GFOD1: variants seen among roughly 807,000 people sequenced by gnomAD.
GFOD1 encodes Gfo/Idh/MocA-like oxidoreductase domain containing 1, also known as glucose-fructose oxidoreductase domain-containing protein 1.
GFOD1 carries 9 observed loss-of-function variants against 25.4 expected under a neutral mutation model. The ratio of observed to expected loss-of-function variants is 0.35; its 90% CI spans 0.21 to 0.62. GFOD1 has a LOEUF of 0.62. Ranked by LOEUF, GFOD1 falls within the 20% of genes least tolerant of loss-of-function variation. GFOD1 has a pLI of 0.72. For synonymous variants in GFOD1, 253 were observed against 245.6 expected (o/e 1.03, Z -0.28); for missense variants, 403 against 556.9 (o/e 0.72, Z 2.78).
intron 1 of GFOD1, among the ~76,000 whole-genome samples, chr6:13,379,316 T>C (rs1425583342): frequency 1.3e-5 from 2 of 152,112 alleles, no homozygotes; most frequent in Non-Finnish European, 2.9e-5. Context: ...CCTCCCCCCA[T>C]AGAAGGCACG....
intron 1 of GFOD1, among the ~76,000 whole-genome samples, chr6:13,401,085 G>A (rs1164014708): frequency 3.9e-5 from 6 of 152,204 alleles, no homozygotes; most frequent in African/African-American, 1.2e-4. Flanking sequence ...AGTGAGGTGC[G>A]AGAGAGCCGA....
intron 1 of GFOD1, among the ~76,000 whole-genome samples, chr6:13,481,317 A>C (rs1165290855): frequency 6.6e-6 from 1 of 152,244 alleles, no homozygotes; most frequent in Non-Finnish European, 1.5e-5. Context: ...AAGTGAGGCA[A>C]GAACCTTCTG....
Position 13,365,162 on chromosome 6 carries a change from C to G in GFOD1, c.754G>C (p.Val252Leu). The change falls in exon 2 of 2, where the codon GTG (valine) becomes CTG (leucine). Residue 252 changes from valine to leucine, a missense_variant. By Grantham distance (32) the Val-to-Leu change is conservative. Coordinates refer to ENST00000379287, the MANE Select transcript of GFOD1 (RefSeq NM_018988.4). The surrounding 1 kb of genome is among the most constrained non-coding windows in gnomAD (Gnocchi z 9.2). ...GCCAGCAGGCGCCCGGCTGAGCCCA[C>G]CACAGTGACATCCTGCTTGAACTCG... Reference protein sequence around the residue: ...PGEFKQDVTVVGSAGRLLAVG... With the variant: ...PGEFKQDVTVLGSAGRLLAVG... The G allele has an allele frequency of 6.2e-7, 1 of 1,613,758 alleles. No homozygotes were observed. The highest frequency in any genetic ancestry group is 8.5e-7 in the Non-Finnish European group (1 of 1,179,962).
At chr6:13,483,319 G>C (rs1279842429) in intron 1 of GFOD1, among the ~76,000 whole-genome samples, 1 of 152,130 alleles carries the variant, frequency 6.6e-6, no homozygotes, top group Admixed American at 6.6e-5. Context: ...ACAGAGACCT[G>C]GACATGTGCG....
chr6:13,372,497 T>C (rs1347891749), intron 1 of GFOD1, among the ~76,000 whole-genome samples: 2 of 152,180 alleles, frequency 1.3e-5, no homozygotes, highest in African/African-American at 2.4e-5. Flanking sequence ...CTCCAAGTTG[T>C]GGCTGAGTCT....
At chr6:13,393,738 A>G (rs1181926918) in intron 1 of GFOD1, among the ~76,000 whole-genome samples, 1 of 151,986 alleles carries the variant, frequency 6.6e-6, no homozygotes, top group East Asian at 1.9e-4. Context: ...GGACTCTACA[A>G]AATAGTACAT....
chr6:13,396,240 TC>T (rs1785727554), intron 1 of GFOD1, among the ~76,000 whole-genome samples: 2 of 152,210 alleles, frequency 1.3e-5, no homozygotes, highest in African/African-American at 4.8e-5. Flanking sequence ...TCTTCAATCT[TC>T]CCTGCAGATC....
intron 1 of GFOD1, among the ~76,000 whole-genome samples, chr6:13,449,880 C>A (rs1198967005): frequency 6.6e-6 from 1 of 152,172 alleles, no homozygotes; most frequent in Non-Finnish European, 1.5e-5. Flanking sequence ...CATACTAATA[C>A]ACTAAGGTTA....
intron 1 of GFOD1, among the ~76,000 whole-genome samples, chr6:13,451,524 C>T (rs1200165738): frequency 6.6e-6 from 1 of 152,174 alleles, no homozygotes; most frequent in Non-Finnish European, 1.5e-5. Context: ...CTTGAGACTT[C>T]ATCAGCAAAG....
At chr6:13,486,586 G>C in intron 1 of GFOD1, 52 bp downstream of exon 1, 1 of 1,423,168 alleles carries the variant, frequency 7.0e-7, no homozygotes, top group Non-Finnish European at 9.8e-7. Context: ...GGAACCTAGA[G>C]AAGGTTAAAG....
rs1784893093 is a variant in GFOD1 at position 13,357,987 on chromosome 6, A to G, written c.*6756T>C. ...GAGCATCGAGCATCGCAGAGATCAC[A>G]ACGGGCATCAGCTCTGGAGCTCCTA... On this transcript the variant is annotated 3_prime_UTR_variant, in exon 2 of 2. Transcript: ENST00000379287. The G allele has an allele frequency of 6.6e-6, 1 of 152,304 alleles. No homozygotes were observed. The highest frequency in any genetic ancestry group is 1.5e-5 in the Non-Finnish European group (1 of 68,066). The allele number at this position is 152,304 out of a possible 1,614,324, so 9.4% of individuals were successfully genotyped here.
intron 1 of GFOD1, among the ~76,000 whole-genome samples, chr6:13,454,183 C>A: frequency 6.6e-6 from 1 of 152,156 alleles, no homozygotes; most frequent in Non-Finnish European, 1.5e-5. Context: ...CCAGCAGAAG[C>A]CAGGACAGGG....
intron 1 of GFOD1, among the ~76,000 whole-genome samples, chr6:13,462,126 T>C (rs1184005257): frequency 1.3e-5 from 2 of 152,132 alleles, no homozygotes; most frequent in African/African-American, 4.8e-5. Context: ...AAGAATTAAG[T>C]GAGATGCTTG....
At chr6:13,470,382 C>T in intron 1 of GFOD1, 1 of 1,549,568 alleles carries the variant, frequency 6.5e-7, no homozygotes, top group East Asian at 2.4e-5. Flanking sequence ...CGTGGGCCTC[C>T]AGGGAAAGCC....
At chr6:13,484,777 T>C (rs555529383) in intron 1 of GFOD1, among the ~76,000 whole-genome samples, 3 of 152,188 alleles carry the variant, frequency 2.0e-5, no homozygotes, top group Non-Finnish European at 4.4e-5. Context: ...GTCATCCTTG[T>C]TCCCCAAATT....
intron 1 of GFOD1, among the ~76,000 whole-genome samples, chr6:13,425,913 G>A (rs906689604): frequency 2.5e-4 from 38 of 151,566 alleles, no homozygotes; most frequent in Non-Finnish European, 1.2e-4. Flanking sequence ...AAAGAAACTC[G>A]CAGAAAGAAA....
chr6:13,483,522 C>A (rs1277484975), intron 1 of GFOD1, among the ~76,000 whole-genome samples: 1 of 152,184 alleles, frequency 6.6e-6, no homozygotes, highest in African/African-American at 2.4e-5. Flanking sequence ...CTGCCAGATA[C>A]TCCATACCTG....
intron 1 of GFOD1, among the ~76,000 whole-genome samples, chr6:13,423,537 G>A (rs1197730135): frequency 1.3e-5 from 2 of 152,208 alleles, no homozygotes; most frequent in East Asian, 3.9e-4. Context: ...CCTGTCATGC[G>A]CAAAGCTCGA....
intron 1 of GFOD1, among the ~76,000 whole-genome samples, chr6:13,410,577 GGAGAGAGAGAGAGAGAGAGAGAGAGA>G (rs10530261): frequency 7.8e-6 from 1 of 128,086 alleles, no homozygotes; most frequent in African/African-American, 3.6e-5. Flanking sequence ...AAGAAAGAAA[GGAGAGAGAGAGAGAGAGAGAGAGAGA>G]GAGAGAGAGA....
Sources: gnomAD v4.1 joint callset for allele counts (sites outside exome capture counted in the v4.1 genomes callset) on GRCh38, gnomAD v4.1.1 for gene constraint, Gnocchi (gnomAD v3.1) non-coding constraint, MANE v1.5 for transcripts, NCBI Gene and HGNC (gene_info 2026-07-23, HGNC 2026-07-21) for gene names.